WDR70: variants seen among roughly 807,000 people sequenced by gnomAD.
WDR70 encodes WD repeat domain 70, also known as WD repeat-containing protein 70.
In WDR70, 53 loss-of-function variants were observed where a neutral mutation model predicts 88.6. The ratio of observed to expected loss-of-function variants is 0.60; its 90% CI spans 0.48 to 0.75. The LOEUF (loss-of-function observed/expected upper bound fraction) is 0.75. Among genes scored for constraint, WDR70 ranks in the 30% least tolerant of loss-of-function variants. The pLI is 0.00. For missense variants in WDR70, 610 were observed against 823.2 expected (o/e 0.74, Z 3.17); for synonymous variants, 280 against 270.0 (o/e 1.04, Z -0.36).
At chr5:37,425,985 A>C (rs141109748) in intron 5 of WDR70, among the ~76,000 whole-genome samples, 1 of 152,296 alleles carries the variant, frequency 6.6e-6, no homozygotes, top group South Asian at 2.1e-4. Flanking sequence ...TGACTGCTAG[A>C]AATATAGGTT....
rs573659309 is a variant in WDR70 at position 37,467,601 on chromosome 5, A to G, written c.687-12233A>G. Among the ~76,000 whole-genome samples the G allele has an allele frequency of 1.7e-4, 25 of 150,990 alleles. No individual in the cohort carries two copies. In the South Asian group the frequency reaches 4.8e-3, roughly 29 times the overall value. Reference sequence around the variant, plus strand: ...ACCCAGGCTGGAGTGCAGTGGCACAATCTTGGCTCACTACAAGCTCTGCCT... The same window carrying G: ...ACCCAGGCTGGAGTGCAGTGGCACAGTCTTGGCTCACTACAAGCTCTGCCT... On this transcript the variant is annotated intron_variant, in intron 7 of 17. Transcript: ENST00000265107.
chr5:37,536,528 G>A (rs1581376049), intron 9 of WDR70, among the ~76,000 whole-genome samples: 1 of 151,952 alleles, frequency 6.6e-6, no homozygotes, highest in South Asian at 2.1e-4. Flanking sequence ...AATAAATAAT[G>A]CCTCAAAAAG....
chr5:37,380,088 A>G (rs1397004220), intron 2 of WDR70, among the ~76,000 whole-genome samples: 2 of 152,200 alleles, frequency 1.3e-5, no homozygotes, highest in Admixed American at 6.5e-5. Context: ...TAAAAAGAAA[A>G]TTATTTAAAA....
intron 5 of WDR70, among the ~76,000 whole-genome samples, chr5:37,420,437 T>G (rs1172607690): frequency 6.7e-6 from 1 of 148,190 alleles, no homozygotes; most frequent in East Asian, 1.9e-4. Context: ...AAAGATTTGT[T>G]TTTTTCTTTT....
chr5:37,533,474 A>ACCC (rs1741563705), intron 9 of WDR70, among the ~76,000 whole-genome samples: 1 of 146,326 alleles, frequency 6.8e-6, no homozygotes, highest in Non-Finnish European at 1.5e-5. Flanking sequence ...CACCACCACC[A>ACCC]CCACCACCAC....
At chr5:37,669,525 G>A (rs1225286993) in intron 10 of WDR70, among the ~76,000 whole-genome samples, 1 of 152,110 alleles carries the variant, frequency 6.6e-6, no homozygotes, top group Non-Finnish European at 1.5e-5. Context: ...CTATCCTCCT[G>A]GGCAATGAGT....
intron 9 of WDR70, among the ~76,000 whole-genome samples, chr5:37,564,613 C>G (rs559397265): frequency 2.5e-4 from 25 of 99,356 alleles, no homozygotes; most frequent in African/African-American, 6.3e-4. Context: ...GAGAGCGAGG[C>G]TTAATTCTCT....
At chr5:37,452,234 T>C (rs1308038282) in intron 7 of WDR70, among the ~76,000 whole-genome samples, 2 of 151,958 alleles carry the variant, frequency 1.3e-5, no homozygotes, top group Non-Finnish European at 1.5e-5. Flanking sequence ...AACTCTCATA[T>C]GCCATTAGAA....
At chr5:37,471,450 G>A (rs149359526) in intron 7 of WDR70, among the ~76,000 whole-genome samples, 13 of 151,144 alleles carry the variant, frequency 8.6e-5, no homozygotes, top group Admixed American at 2.0e-4. Flanking sequence ...CCATTTTTCC[G>A]GTGGTTGCCT....
intron 7 of WDR70, among the ~76,000 whole-genome samples, chr5:37,454,270 G>A (rs1358306018): frequency 6.6e-6 from 1 of 152,104 alleles, no homozygotes; most frequent in Non-Finnish European, 1.5e-5. Context: ...GCTCTGCACT[G>A]TAAGTGATAC....
At chr5:37,403,908 ACTT>A (rs760011562) in intron 5 of WDR70, among the ~76,000 whole-genome samples, 7 of 151,892 alleles carry the variant, frequency 4.6e-5, no homozygotes, top group Non-Finnish European at 8.8e-5. Context: ...ACATCTGGCT[ACTT>A]CTTATATTTT....
chr5:37,600,664 C>T (rs1238792112), intron 9 of WDR70, among the ~76,000 whole-genome samples: 1 of 151,978 alleles, frequency 6.6e-6, no homozygotes, highest in Non-Finnish European at 1.5e-5. Flanking sequence ...AGATGCTTGC[C>T]ATCCTTAGTT....
chr5:37,703,164 A>T (rs1399483067), intron 13 of WDR70, 77 bp downstream of exon 13: 1 of 1,551,568 alleles, frequency 6.4e-7, no homozygotes, highest in East Asian at 2.3e-5. Context: ...TTTGTTTGTT[A>T]AGTAGAATAT....
intron 8 of WDR70, among the ~76,000 whole-genome samples, chr5:37,505,510 A>G (rs1740532864): frequency 1.3e-5 from 2 of 152,202 alleles, no homozygotes. Context: ...AAATCAGAAT[A>G]TGGAAAAAAA....
intron 5 of WDR70, among the ~76,000 whole-genome samples, chr5:37,425,157 G>A (rs1445976505): frequency 6.6e-6 from 1 of 152,206 alleles, no homozygotes; most frequent in East Asian, 1.9e-4. Flanking sequence ...AAGGTGGAAG[G>A]ATCATCTAAG....
intron 5 of WDR70, among the ~76,000 whole-genome samples, chr5:37,397,419 A>G (rs540299269): frequency 6.8e-4 from 103 of 151,564 alleles, no homozygotes; most frequent in African/African-American, 1.9e-3. Flanking sequence ...CAGTGAGCTG[A>G]GATTGTGCCA....
At chr5:37,487,632 T>A (rs1216617675) in intron 8 of WDR70, among the ~76,000 whole-genome samples, 16 of 142,384 alleles carry the variant, frequency 1.1e-4, no homozygotes, top group African/African-American at 3.4e-4. Context: ...TATGTATTTT[T>A]TTTTTTTTTT....
chr5:37,481,837 G>A (rs958383771), intron 8 of WDR70, among the ~76,000 whole-genome samples: 14 of 152,130 alleles, frequency 9.2e-5, no homozygotes, highest in African/African-American at 3.4e-4. Context: ...CGAATGCTTT[G>A]CTGCTTAGAA....
chr5:37,551,727 CAAA>C (rs111767188), intron 9 of WDR70, among the ~76,000 whole-genome samples: 1 of 97,276 alleles, frequency 1.0e-5, no homozygotes. Context: ...GACTCTTTCT[CAAA>C]AAAAAAAAAA....
Sources: allele counts gnomAD v4.1 joint callset (sites outside exome capture counted in the v4.1 genomes callset), GRCh38; gene constraint gnomAD v4.1.1; transcripts MANE v1.5; gene names NCBI Gene and HGNC (gene_info 2026-07-23, HGNC 2026-07-21).